Variants in GOLGA6A observed in about 807,000 individuals in gnomAD.
The protein encoded by GOLGA6A is golgin A6 family member A, also known as golgin subfamily A member 6A.
A neutral mutation model predicts 53.6 loss-of-function variants in GOLGA6A; 1 was observed. That is an observed-to-expected ratio of 0.02 (90% CI 0.01 to 0.09). The LOEUF (loss-of-function observed/expected upper bound fraction) is 0.09, where lower values mean the gene tolerates loss of function less well. Ranked by LOEUF, GOLGA6A falls within the 10% of genes least tolerant of loss-of-function variation. The pLI is 1.00. For missense variants in GOLGA6A, 23 were observed against 509.4 expected (o/e 0.05, Z 9.19); for synonymous variants, 6 against 201.8 (o/e 0.03, Z 8.22).
rs139841117 is a variant in GOLGA6A, at chr15:74,072,796, G to A, written c.1447C>T (p.His483Tyr). 1.7e-3 allele frequency: 2,773 copies of A among 1,611,464 alleles called. 13 individuals carry two copies. The African/African-American group carries it at 0.035, about 20-fold the overall frequency. Reference protein sequence around the residue: ...LDEEHLEAASHQNQQLETQLS... With the variant: ...LDEEHLEAASYQNQQLETQLS... The stretch of plus-strand genomic sequence containing the variant: ...TGGGTCTCTAGCTGTTGGTTCTGGT[G>A]GCTGGCAGCTTCTAGGTGCTCCTAA... The change falls in exon 13 of 18, where the codon CAC (histidine) becomes TAC (tyrosine). Residue 483 changes from histidine (H) to tyrosine (Y), a missense_variant. Coordinates refer to ENST00000290438, the MANE Select transcript of GOLGA6A (RefSeq NM_001038640.2).
At position 74,072,326 on chromosome 15, in the gene GOLGA6A, A is replaced by G. The variant is rs1276253091; in HGVS notation, c.1502-17T>C. 9 of 1,611,316 alleles carry G rather than the reference A, an allele frequency of 5.6e-6. No homozygotes were observed. In the African/African-American group the frequency reaches 1.1e-4, roughly 20 times the overall value. On this transcript the variant is annotated splice_polypyrimidine_tract_variant and intron_variant, in intron 13 of 17. Transcript: ENST00000290438. ...CTCCATCTCCTGTAGGGAGGTGGCCAGAGGGGTCCTCAGACAACCCAACAA... is the reference window on the plus strand; with the variant it reads ...CTCCATCTCCTGTAGGGAGGTGGCCGGAGGGGTCCTCAGACAACCCAACAA...
intron 1 of GOLGA6A, among the ~76,000 whole-genome samples, 186 bp from the exon 2 acceptor site, chr15:74,080,921 T>TG (rs1261645978): frequency 1.3e-4 from 14 of 109,318 alleles, no homozygotes; most frequent in South Asian, 3.8e-4. Context: ...AAAAAAAGTG[T>TG]GGGGGGGCAA....
At chr15:74,072,117 G>A (rs150292556) in intron 14 of GOLGA6A, 101 bp downstream of exon 14, 84,232 of 833,274 alleles carry the variant, frequency 0.1, 297 homozygotes, top group Non-Finnish European at 0.12. Context: ...AAGGGGTGAG[G>A]GGCCAGAGCA....
chr15:74,076,830 GC>G (rs1163627110), intron 7 of GOLGA6A, among the ~76,000 whole-genome samples, 187 bp downstream of exon 7: 8 of 39,226 alleles, frequency 2.0e-4, no homozygotes, highest in Non-Finnish European at 3.9e-4. Flanking sequence ...TCCCCACAGT[GC>G]CCCCCAACTC....
At chr15:74,076,623 TAC>T (rs368556511) in intron 7 of GOLGA6A, among the ~76,000 whole-genome samples, 7,032 of 138,002 alleles carry the variant, frequency 0.051, 1 homozygote, top group Middle Eastern at 0.13. Context: ...ATTATCATAG[TAC>T]ACACACACAC....
Position 74,072,270 on chromosome 15 carries a change from G to T in GOLGA6A, c.1541C>A (p.Ala514Glu). The change falls in exon 14 of 18, where the codon GCG (alanine) becomes GAG (glutamate). Residue 514 changes from alanine to glutamate, a missense_variant. Transcript: ENST00000290438. ...GQHLDSEEEE[A>E]PRPTPNIPED... ...TGGGATGTTTGGCGTGGGCCGAGGC[G>T]CCTCCTCCTCCTCACTGTCCAGATG... is the stretch of plus-strand genomic sequence containing the variant. 1 of 1,599,338 alleles carries T rather than the reference G, an allele frequency of 6.3e-7. No homozygotes were observed. Among genetic ancestry groups the T allele is most frequent in the Non-Finnish European group, 8.5e-7 (1 of 1,171,954 alleles).
At chr15:74,079,250 GA>G (rs2071991451) in intron 2 of GOLGA6A, among the ~76,000 whole-genome samples, 1 of 5,056 alleles carries the variant, frequency 2.0e-4, no homozygotes, top group Non-Finnish European at 3.0e-4. Flanking sequence ...CTGAGTGACA[GA>G]GTGAGACTCT....
Position 74,071,153 on chromosome 15 carries a change from TG to T in GOLGA6A, c.1924del (p.Gln642ArgfsTer15), listed in dbSNP as rs1567148142. The stretch of plus-strand genomic sequence containing the variant: ...CTGCTCACCGGCAGCCCCAAGTTCC[TG>T]GGGGGCTGGGGCCCCTGGAGTGGGC... Reference protein sequence around the residue: ...DEPTPGAPAPQELGAAGEQDV... With the variant: ...DEPTPGAPAPXELGAAGEQDV... On this transcript the variant is annotated frameshift_variant, in exon 17 of 18. Transcript: ENST00000290438. LOFTEE classifies it low-confidence loss of function (END_TRUNC). 5 of 1,373,554 alleles carry T rather than the reference TG, an allele frequency of 3.6e-6. No individual in the cohort carries two copies. The highest frequency in any genetic ancestry group is 3.0e-5 in the African/African-American group (2 of 66,440). The allele number at this position is 1,373,554 out of a possible 1,614,324, so 85.1% of individuals were successfully genotyped here. A position where few individuals can be genotyped will look rare whatever the true frequency, so the allele number is the denominator to read the frequency against.
chr15:74,080,374 A>G (rs2071995933), intron 2 of GOLGA6A, among the ~76,000 whole-genome samples: 1 of 152,304 alleles, frequency 6.6e-6, no homozygotes, highest in African/African-American at 2.4e-5. Flanking sequence ...CATGAAAACA[A>G]CAACAATAAG....
intron 7 of GOLGA6A, 26 bp from the exon 8 acceptor site, chr15:74,076,011 TG>T: frequency 6.2e-7 from 1 of 1,611,766 alleles, no homozygotes; most frequent in African/African-American, 1.3e-5. Flanking sequence ...TGAGAAGTTT[TG>T]ATCTGGGGAG....
At chr15:74,079,997 CAGACTCCTGAGTAAG>C in intron 2 of GOLGA6A, among the ~76,000 whole-genome samples, 1 of 85,140 alleles carries the variant, frequency 1.2e-5, no homozygotes, top group East Asian at 2.8e-4. Context: ...TAAAAAAAAA[CAGACTCCTGAGTAAG>C]AGTTCACTTG....
intron 14 of GOLGA6A, among the ~76,000 whole-genome samples, chr15:74,071,858 A>C (rs200106386): frequency 0.12 from 16,219 of 131,636 alleles, 182 homozygotes; most frequent in African/African-American, 0.37. Flanking sequence ...GCGAAGGCCA[A>C]CAGATGAGCC....
At chr15:74,076,149 GAT>G (rs1298139474) in intron 7 of GOLGA6A, among the ~76,000 whole-genome samples, 164 bp from the exon 8 acceptor site, 2 of 150,750 alleles carry the variant, frequency 1.3e-5, no homozygotes, top group African/African-American at 4.9e-5. Flanking sequence ...GAGGGAAAGA[GAT>G]AGAATTTACA....
At chr15:74,073,518 A>G (rs2071963370) in intron 12 of GOLGA6A, among the ~76,000 whole-genome samples, 2 of 152,086 alleles carry the variant, frequency 1.3e-5, no homozygotes, top group Non-Finnish European at 2.9e-5. Flanking sequence ...TTGAATGGTG[A>G]CCAGTGGAAC....
At chr15:74,073,261 G>C (rs1209165211) in intron 12 of GOLGA6A, among the ~76,000 whole-genome samples, 1 of 151,192 alleles carries the variant, frequency 6.6e-6, no homozygotes, top group East Asian at 1.9e-4. Flanking sequence ...GGCCTAAGAG[G>C]CTTCCTCCCT....
At chr15:74,076,085 C>T in intron 7 of GOLGA6A, 100 bp from the exon 8 acceptor site, 4 of 1,543,762 alleles carry the variant, frequency 2.6e-6, no homozygotes, top group Non-Finnish European at 3.6e-6. Flanking sequence ...AAGGTCAAGG[C>T]ATTTCCAAGC....
At position 74,074,550 on chromosome 15, in the gene GOLGA6A, G is replaced by GGA; in HGVS notation, c.1297_1298dup (p.Gln434ProfsTer20). 1 of 332,782 alleles carries GGA rather than the reference G, an allele frequency of 3.0e-6. No individual in the cohort carries two copies. Among genetic ancestry groups the GGA allele is most frequent in the Non-Finnish European group, 5.0e-6 (1 of 200,002 alleles). The allele number at this position is 332,782 out of a possible 1,614,324, so 20.6% of individuals were successfully genotyped here. ...GCTGCTTGTCGAGCTTGTGGTTCTG[G>GGA]GAGAGCGCGAGCCTCTCCTCCTGCT... On this transcript the variant is annotated frameshift_variant, in exon 11 of 18. Transcript: ENST00000290438. LOFTEE classifies it high-confidence loss of function.
intron 14 of GOLGA6A, 92 bp downstream of exon 14, chr15:74,072,126 C>T (rs143211531): frequency 1.8e-6 from 2 of 1,085,058 alleles, no homozygotes; most frequent in South Asian, 2.8e-5. Flanking sequence ...GGGGCCAGAG[C>T]AATCAGAAGG....
intron 13 of GOLGA6A, 60 bp downstream of exon 13, chr15:74,072,682 G>T (rs1199125978): frequency 6.2e-7 from 1 of 1,604,882 alleles, no homozygotes; most frequent in Non-Finnish European, 8.5e-7. Context: ...ATCCTATGCT[G>T]CTAACAGTCC....
Sources: allele counts gnomAD v4.1 joint callset (sites outside exome capture counted in the v4.1 genomes callset), GRCh38; gene constraint gnomAD v4.1.1; transcripts MANE v1.5; gene names NCBI Gene and HGNC (gene_info 2026-07-23, HGNC 2026-07-21).